The following SPPL3 variants were observed in gnomAD, a reference collection of about 807,000 sequenced individuals.
SPPL3 encodes signal peptide peptidase like 3.
SPPL3 carries 5 observed loss-of-function variants against 42.4 expected under a neutral mutation model. That is an observed-to-expected ratio of 0.12 (90% CI 0.06 to 0.25). The LOEUF (loss-of-function observed/expected upper bound fraction) is 0.25. SPPL3 is among the 10% of genes least tolerant of loss of function. SPPL3 has a pLI of 1.00. For missense variants in SPPL3, 235 were observed against 489.0 expected (o/e 0.48, Z 4.90); for synonymous variants, 195 against 181.8 (o/e 1.07, Z -0.58).
chr12:120,877,827 A>G (rs10849808), intron 1 of SPPL3, among the ~76,000 whole-genome samples: 9,545 of 150,872 alleles, frequency 0.063, 541 homozygotes, highest in East Asian at 0.3. Context: ...ACACGTTATG[A>G]TTTCAGGAAT....
intron 1 of SPPL3, among the ~76,000 whole-genome samples, chr12:120,816,503 T>A (rs926661245): frequency 1.3e-5 from 2 of 152,240 alleles, no homozygotes; most frequent in Admixed American, 6.5e-5. Context: ...ACTATCATTA[T>A]AAAAGTTTTT....
chr12:120,787,441 G>C (rs1318850305), intron 3 of SPPL3, among the ~76,000 whole-genome samples: 2 of 152,100 alleles, frequency 1.3e-5, no homozygotes, highest in Non-Finnish European at 2.9e-5. Flanking sequence ...TGGCTTCTTG[G>C]GGGCAGGCAG....
intron 6 of SPPL3, among the ~76,000 whole-genome samples, chr12:120,772,625 C>G (rs1869164575): frequency 6.6e-6 from 1 of 152,068 alleles, no homozygotes; most frequent in Non-Finnish European, 1.5e-5. Flanking sequence ...TTTCATAGAA[C>G]TGGTGGTAAA....
intron 2 of SPPL3, among the ~76,000 whole-genome samples, chr12:120,803,312 T>A (rs933015985): frequency 1.3e-5 from 2 of 152,172 alleles, no homozygotes; most frequent in African/African-American, 2.4e-5. Context: ...TTGAAGTAAC[T>A]TGCAAAAGTT....
rs57779322 is a variant in SPPL3, at chr12:120,778,111, A to ATTTTTTTTTTT, written c.502+4533_502+4543dup. ...TTATTTCCAAAATGACTGAAAAGCA[A>ATTTTTTTTTTT]TTTTTTTTTTTTTTTTTTTTTTTGA... is the stretch of plus-strand genomic sequence containing the variant. On this transcript the variant is annotated intron_variant, in intron 6 of 10. Coordinates refer to ENST00000353487, the MANE Select transcript of SPPL3 (RefSeq NM_139015.5). Among the ~76,000 whole-genome samples the ATTTTTTTTTTT allele has an allele frequency of 9.6e-4, 87 of 90,934 alleles. 3 individuals carry two copies. Among genetic ancestry groups the ATTTTTTTTTTT allele is most frequent in the Admixed American group, 1.5e-3 (9 of 5,836 alleles). The allele number at this position is 90,934 out of a possible 152,430, so 59.7% of individuals were successfully genotyped here.
chr12:120,805,197 T>TTAA, intron 2 of SPPL3, among the ~76,000 whole-genome samples: 1 of 152,340 alleles, frequency 6.6e-6, no homozygotes, highest in Non-Finnish European at 1.5e-5. Context: ...CCCACTGAAT[T>TTAA]GTATACTTTA....
At chr12:120,829,906 A>C (rs1445798964) in intron 1 of SPPL3, among the ~76,000 whole-genome samples, 1 of 151,730 alleles carries the variant, frequency 6.6e-6, no homozygotes, top group South Asian at 2.1e-4. Context: ...AGACAGGAGA[A>C]TCACTTGAAT....
At chr12:120,791,906 G>A (rs1038322430) in intron 2 of SPPL3, 2 of 245,074 alleles carry the variant, frequency 8.2e-6, no homozygotes, top group East Asian at 1.4e-4. Flanking sequence ...ACAACTGTTC[G>A]CAAAAAGGCT....
chr12:120,807,311 A>C (rs554054324), intron 2 of SPPL3, among the ~76,000 whole-genome samples: 3 of 152,300 alleles, frequency 2.0e-5, no homozygotes, highest in African/African-American at 7.2e-5. Flanking sequence ...ACACTAAAAA[A>C]TGGTTTAAAT....
chr12:120,835,147 A>T (rs1309325334), intron 1 of SPPL3, among the ~76,000 whole-genome samples: 1 of 152,196 alleles, frequency 6.6e-6, no homozygotes, highest in East Asian at 1.9e-4. Context: ...ACTTCCTTTT[A>T]ATGATGTCTA....
intron 1 of SPPL3, among the ~76,000 whole-genome samples, chr12:120,858,799 A>G (rs1450711427): frequency 6.6e-6 from 1 of 152,200 alleles, no homozygotes; most frequent in East Asian, 1.9e-4. Context: ...ACTAAAGAGA[A>G]TATCACTAGT....
At chr12:120,773,882 G>A (rs527768293) in intron 6 of SPPL3, among the ~76,000 whole-genome samples, 5 of 152,350 alleles carry the variant, frequency 3.3e-5, no homozygotes, top group South Asian at 2.1e-4. Flanking sequence ...GGGATTACAG[G>A]CATGGGCCGC....
intron 1 of SPPL3, among the ~76,000 whole-genome samples, chr12:120,818,338 TATTC>T (rs67640625): frequency 0.41 from 62,201 of 151,724 alleles, 14,298 homozygotes; most frequent in Admixed American, 0.56. Flanking sequence ...ATATTTTATA[TATTC>T]ATTATGAAGA....
At chr12:120,876,699 G>A (rs1381532449) in intron 1 of SPPL3, among the ~76,000 whole-genome samples, 1 of 150,110 alleles carries the variant, frequency 6.7e-6, no homozygotes, top group Non-Finnish European at 1.5e-5. Context: ...AGTATGTACA[G>A]CATGCAGCTA....
At chr12:120,772,146 C>T (rs1207668156) in intron 6 of SPPL3, among the ~76,000 whole-genome samples, 9 of 152,156 alleles carry the variant, frequency 5.9e-5, no homozygotes, top group Admixed American at 4.6e-4. Flanking sequence ...CTCAGCCTCC[C>T]GAGTAGCCGG....
chr12:120,873,115 T>C lies in SPPL3; in HGVS notation c.23+30730A>G, dbSNP rs138023999. Among the ~76,000 whole-genome samples the C allele has an allele frequency of 4.6e-3, 694 of 152,256 alleles. 2 individuals are homozygous for C. The highest frequency in any genetic ancestry group is 8.3e-3 in the Non-Finnish European group (562 of 68,012). ...GAATGTGATGTGGAAAGGAGACAAA[T>C]AGTTTTTCTGACCCAAATGGAAACT... is the stretch of plus-strand genomic sequence containing the variant. On this transcript the variant is annotated intron_variant, in intron 1 of 10. Transcript: ENST00000353487.
At chr12:120,823,440 A>C (rs1871134470) in intron 1 of SPPL3, among the ~76,000 whole-genome samples, 1 of 152,034 alleles carries the variant, frequency 6.6e-6, no homozygotes, top group African/African-American at 2.4e-5. Context: ...TTCAGTCAAT[A>C]TCTTACTTGA....
chr12:120,879,113 CA>C (rs63543261), intron 1 of SPPL3, among the ~76,000 whole-genome samples: 3,519 of 64,960 alleles, frequency 0.054, 34 homozygotes, highest in South Asian at 0.13. Context: ...AACTCTGTCT[CA>C]AAAAAAAAAA....
chr12:120,902,100 G>C (rs1566074474), intron 1 of SPPL3, among the ~76,000 whole-genome samples: 1 of 152,244 alleles, frequency 6.6e-6, no homozygotes, highest in African/African-American at 2.4e-5. Context: ...GAAGGAAGCT[G>C]AAATTGTAAT....
Sources: gnomAD v4.1 joint callset for allele counts (sites outside exome capture counted in the v4.1 genomes callset) on GRCh38, gnomAD v4.1.1 for gene constraint, MANE v1.5 for transcripts, NCBI Gene and HGNC (gene_info 2026-07-23, HGNC 2026-07-21) for gene names.